The following MIB1 variants were observed in gnomAD, a reference collection of about 807,000 sequenced individuals.
The protein encoded by MIB1 is E3 ubiquitin-protein ligase MIB1.
In MIB1, 278 loss-of-function variants were observed where a neutral mutation model predicts 124.5. That is an observed-to-expected ratio of 2.23 (90% CI 2.02 to 2.47). The LOEUF (loss-of-function observed/expected upper bound fraction) is 2.47. Ranked by LOEUF, MIB1 falls within the 30% of genes most tolerant of loss-of-function variation. MIB1 has a pLI of 0.00. For synonymous variants in MIB1, 446 were observed against 429.4 expected, an observed-to-expected ratio of 1.04 and a Z score of -0.48; for missense variants, 957 against 1,254.4, an observed-to-expected ratio of 0.76 and a Z score of 3.58.
At chr18:21,737,401 G>A (rs902142610), upstream of MIB1, among the ~76,000 whole-genome samples, 2 of 152,130 alleles carry the variant, frequency 1.3e-5, no homozygotes, top group African/African-American at 4.8e-5. Context: ...GAAAGGAACA[G>A]CCAGTACCAG....
At chr18:21,779,978 A>G (rs1204926844) in intron 6 of MIB1, among the ~76,000 whole-genome samples, 1 of 152,030 alleles carries the variant, frequency 6.6e-6, no homozygotes, top group Non-Finnish European at 1.5e-5. Context: ...AATACATTAT[A>G]TCACTATTAG....
At chr18:21,816,743 G>A (rs548989372) in intron 11 of MIB1, among the ~76,000 whole-genome samples, 1 of 152,278 alleles carries the variant, frequency 6.6e-6, no homozygotes, top group South Asian at 2.1e-4. Context: ...GTGGGAATGA[G>A]GGCTTGAGAA....
rs1598624871 is a variant in MIB1 at position 21,816,450 on chromosome 18, A to T, written c.1677+637A>T. Among the ~76,000 whole-genome samples, 4 of 152,302 alleles carry T rather than the reference A, an allele frequency of 2.6e-5. No homozygotes were observed. The South Asian group carries it at 8.3e-4, about 32-fold the overall frequency. ...GTGCACCTGTTTGATTAAAGTTTCT[A>T]TACTTAGTAATTTTGTAGCTCCTGA... On this transcript the variant is annotated intron_variant, in intron 11 of 20. Transcript: ENST00000261537.
intron 10 of MIB1, among the ~76,000 whole-genome samples, chr18:21,813,487 AG>A (rs2041797408): frequency 6.6e-6 from 1 of 152,204 alleles, no homozygotes; most frequent in South Asian, 2.1e-4. Context: ...CTTAAATCTT[AG>A]ATGTGGTTGT....
Position 21,847,016 on chromosome 18 carries a change from A to G in MIB1, c.2284A>G (p.Asn762Asp). The change falls in exon 16 of 21, where the codon AAT (asparagine) becomes GAT (aspartate). Residue 762 changes from asparagine to aspartate, a missense_variant. Asn to Asp is a conservative substitution (Grantham distance 23, BLOSUM62 1). Transcript: ENST00000261537. ...ATCTATTGCCTGTTTCTTGGCAGCCAATGGTGCTGACCTGAGCATTCGAAA... is the reference window on the plus strand; with the variant it reads ...ATCTATTGCCTGTTTCTTGGCAGCCGATGGTGCTGACCTGAGCATTCGAAA... ...AASIACFLAANGADLSIRNKK... is the reference protein window; with the variant it reads ...AASIACFLAADGADLSIRNKK... The G allele has an allele frequency of 1.2e-6, 2 of 1,614,200 alleles. No individual in the cohort carries two copies. Among genetic ancestry groups the G allele is most frequent in the Non-Finnish European group, 1.7e-6 (2 of 1,180,022 alleles).
upstream of MIB1, among the ~76,000 whole-genome samples, chr18:21,736,746 C>A (rs2040798430): frequency 6.6e-6 from 1 of 151,982 alleles, no homozygotes; most frequent in Non-Finnish European, 1.5e-5. Flanking sequence ...CTGAATCGAT[C>A]AAGTGGAAGA....
intron 13 of MIB1, among the ~76,000 whole-genome samples, chr18:21,840,281 CAAATT>C (rs1200612079): frequency 1.3e-5 from 2 of 151,626 alleles, no homozygotes; most frequent in South Asian, 2.1e-4. Context: ...AACAGCAACT[CAAATT>C]AAGAAAAAAA....
At chr18:21,759,539 C>T (rs934831182) in intron 1 of MIB1, among the ~76,000 whole-genome samples, 4 of 152,080 alleles carry the variant, frequency 2.6e-5, no homozygotes, top group African/African-American at 9.7e-5. Flanking sequence ...CCGTGCCTGG[C>T]CTTTGTATTC....
chr18:21,758,532 C>T (rs1270092140), intron 1 of MIB1, among the ~76,000 whole-genome samples: 1 of 151,520 alleles, frequency 6.6e-6, no homozygotes, highest in African/African-American at 2.4e-5. Flanking sequence ...TAAAGGTTGA[C>T]TTGTAAATTT....
rs1250366280 is a variant in MIB1, at chr18:21,867,793, C to T, written c.*3127C>T. ...TTTTTACATAGTAGAAACATACTGT[C>T]TATGTGTTGCCCAATTGCTGTTTGT... On this transcript the variant is annotated 3_prime_UTR_variant, in exon 21 of 21. Coordinates refer to ENST00000261537, the MANE Select transcript of MIB1 (RefSeq NM_020774.4). 6.6e-6 allele frequency: 1 copy of T among 152,524 alleles called. No homozygotes were observed. The highest frequency in any genetic ancestry group is 2.4e-5 in the African/African-American group (1 of 41,426). The allele number at this position is 152,524 out of a possible 1,614,324, so 9.4% of individuals were successfully genotyped here.
intron 12 of MIB1, chr18:21,827,532 T>G (rs1220699203): frequency 6.6e-6 from 1 of 152,044 alleles, no homozygotes; most frequent in Non-Finnish European, 1.5e-5. Context: ...CCTCTACTTT[T>G]GAGGTATATA....
In MIB1 at chr18:21,741,719, G is replaced by T. The variant is rs1457336509; in HGVS notation, c.136G>T (p.Glu46Ter). The change falls in exon 1 of 21, where the codon GAG becomes TAG. Residue 46 changes from glutamate (E) to a stop codon, truncating the protein, a stop_gained. Coordinates refer to ENST00000261537, the MANE Select transcript of MIB1 (RefSeq NM_020774.4). LOFTEE classifies it high-confidence loss of function. The surrounding 1 kb of genome is among the most constrained non-coding windows in gnomAD (Gnocchi z 5.4). ...CACCGTCCGGAGCTTCGAGAGCCCC[G>T]AGGAGGTGGTGGTAGTGTGGGACAA... ...VGTVRSFESP[E>*]EVVVVWDNGT... 2 of 1,611,590 alleles carry T rather than the reference G, an allele frequency of 1.2e-6. No homozygotes were observed. The highest frequency in any genetic ancestry group is 1.7e-5 in the Admixed American group (1 of 59,832).
intron 6 of MIB1, among the ~76,000 whole-genome samples, chr18:21,790,636 T>C (rs999654430): frequency 6.6e-6 from 1 of 152,168 alleles, no homozygotes; most frequent in African/African-American, 2.4e-5. Flanking sequence ...TGTCATTCAG[T>C]GTATTGATAG....
Position 21,847,250 on chromosome 18 carries a change from C to T in MIB1, c.2393+125C>T. The stretch of plus-strand genomic sequence containing the variant: ...TGCTCTTCCTGTATATTTGTGTTGA[C>T]CCTTTCTTTCCTGAAATTTTTCTTC... On this transcript the variant is annotated intron_variant, in intron 16 of 20. Coordinates refer to ENST00000261537, the MANE Select transcript of MIB1 (RefSeq NM_020774.4). The T allele has an allele frequency of 7.0e-6, 6 of 851,594 alleles. No individual in the cohort carries two copies. The South Asian group carries it at 7.7e-5, about 11-fold the overall frequency. 52.8% of individuals were successfully genotyped at this position (851,594 alleles called of 1,614,324 possible). A position where few individuals can be genotyped will look rare whatever the true frequency, so the allele number is the denominator to read the frequency against.
At chr18:21,709,863 G>C (rs1429712101) in intron 1 of MIB1, among the ~76,000 whole-genome samples, 14 of 152,226 alleles carry the variant, frequency 9.2e-5, no homozygotes, top group Non-Finnish European at 1.5e-5. Flanking sequence ...TGAAGAGTTT[G>C]TATAGGACGA....
At chr18:21,712,660 T>C (rs1212101814) in intron 1 of MIB1, among the ~76,000 whole-genome samples, 1 of 152,172 alleles carries the variant, frequency 6.6e-6, no homozygotes, top group Non-Finnish European at 1.5e-5. Context: ...TGGAAGGAGA[T>C]TCTTTCCCAG....
intron 10 of MIB1, 103 bp downstream of exon 10, chr18:21,804,117 A>G: frequency 1.2e-6 from 1 of 810,722 alleles, no homozygotes; most frequent in Non-Finnish European, 2.0e-6. Flanking sequence ...TTAGTATCCA[A>G]CTAAGGCTTT....
At chr18:21,719,006 T>G (rs1051660949) in intron 1 of MIB1, among the ~76,000 whole-genome samples, 3 of 151,876 alleles carry the variant, frequency 2.0e-5, no homozygotes, top group Non-Finnish European at 4.4e-5. Context: ...CTGACCAACA[T>G]GGAGGAACCC....
intron 3 of MIB1, among the ~76,000 whole-genome samples, chr18:21,773,005 C>A (rs1393477212): frequency 1.3e-5 from 2 of 152,166 alleles, no homozygotes; most frequent in Non-Finnish European, 2.9e-5. Context: ...GTGGCTCACA[C>A]CTGTAATCCC....
Sources: gnomAD v4.1 joint callset for allele counts (sites outside exome capture counted in the v4.1 genomes callset) on GRCh38, gnomAD v4.1.1 for gene constraint, Gnocchi (gnomAD v3.1) non-coding constraint, MANE v1.5 for transcripts, NCBI Gene and HGNC (gene_info 2026-07-23, HGNC 2026-07-21) for gene names.